SYNE2: variants seen among roughly 807,000 people sequenced by gnomAD.
SYNE2 encodes spectrin repeat containing nuclear envelope protein 2, also known as nesprin-2.
Under a neutral mutation model 856.3 loss-of-function variants are expected in SYNE2, and 431 were observed. The observed-to-expected ratio is 0.50, with a 90% confidence interval of 0.47 to 0.55. The LOEUF (loss-of-function observed/expected upper bound fraction) is 0.55. SYNE2 is among the 20% of genes least tolerant of loss of function. The probability of loss-of-function intolerance (pLI) is 0.00; values close to 1 mark genes in which losing one functional copy is unlikely to be tolerated. For missense variants in SYNE2, 8,129 were observed against 8,023.2 expected, an observed-to-expected ratio of 1.01 and a Z score of -0.50; for synonymous variants, 2,923 against 2,872.3, an observed-to-expected ratio of 1.02 and a Z score of -0.56.
In SYNE2 at chr14:64,212,926, T is replaced by C. The variant is rs138750965; in HGVS notation, c.18977T>C (p.Leu6326Pro). The change falls in exon 105 of 116, where the codon CTG becomes CCG. Residue 6326 changes from leucine (L) to proline (P), a missense_variant. Leu to Pro is a moderately conservative substitution (Grantham distance 98). This residue lies in a region of SYNE2 where 5,410 missense variants were observed against 5,284.8 expected (regional missense o/e 1.02). Transcript: ENST00000555002. ...GATGCTGTGCTGATTGAGGATGAGC[T>C]GGAGGAACTCCACCGCTACTGCCAG... ...PLDAVLIEDE[L>P]EELHRYCQEV... 6.2e-7 allele frequency: 1 copy of C among 1,614,222 alleles called. No homozygotes were observed. The highest frequency in any genetic ancestry group is 8.5e-7 in the Non-Finnish European group (1 of 1,180,052).
At chr14:63,897,937 C>T (rs1436086382) in intron 1 of SYNE2, among the ~76,000 whole-genome samples, 7 of 152,118 alleles carry the variant, frequency 4.6e-5, no homozygotes, top group African/African-American at 1.7e-4. Flanking sequence ...TTTTGCAAAC[C>T]ACAAATTCTT....
intron 57 of SYNE2, chr14:64,084,745 C>A: frequency 2.0e-6 from 1 of 500,684 alleles, no homozygotes; most frequent in East Asian, 3.0e-5. Flanking sequence ...CAGCTTGAAA[C>A]AACAAACTTA....
At chr14:63,866,970 A>C (rs79716829) in intron 1 of SYNE2, among the ~76,000 whole-genome samples, 2 of 152,308 alleles carry the variant, frequency 1.3e-5, no homozygotes, top group African/African-American at 4.8e-5. Context: ...AAAAAAAGAA[A>C]AAATTGTTAA....
intron 95 of SYNE2, among the ~76,000 whole-genome samples, 187 bp from the exon 96 acceptor site, chr14:64,177,171 G>C (rs1299034132): frequency 6.6e-6 from 1 of 152,154 alleles, no homozygotes; most frequent in Admixed American, 6.5e-5. Flanking sequence ...AAGGAGGGTC[G>C]AGTCATATTG....
intron 44 of SYNE2, among the ~76,000 whole-genome samples, 188 bp from the exon 45 acceptor site, chr14:64,030,828 C>T (rs958831650): frequency 3.9e-5 from 6 of 152,110 alleles, no homozygotes; most frequent in African/African-American, 1.2e-4. Context: ...TCTTAAAATA[C>T]GTATTTGAGA....
chr14:63,897,982 A>C (rs1394823981), intron 1 of SYNE2, among the ~76,000 whole-genome samples: 1 of 152,222 alleles, frequency 6.6e-6, no homozygotes, highest in East Asian at 1.9e-4. Flanking sequence ...TTTTTAAAAA[A>C]GTTTCTGAGA....
intron 32 of SYNE2, among the ~76,000 whole-genome samples, chr14:64,011,856 C>G (rs1488952480): frequency 6.6e-6 from 1 of 152,204 alleles, no homozygotes; most frequent in African/African-American, 2.4e-5. Context: ...GGAGCTGACT[C>G]CATTCCTGGG....
Position 64,048,072 on chromosome 14 carries a change from G to GATGAGCGGAAAGTCA in SYNE2, c.7301_7315dup (p.Arg2434_Glu2438dup). On this transcript the variant is annotated inframe_insertion, in exon 46 of 116. Coordinates refer to ENST00000555002, the MANE Select transcript of SYNE2 (RefSeq NM_182914.3). ...TCAAGAAAGCATGAAAAACACTGAAGATGAGCGGAAAGTCAATGAGCTGCA... is the reference window on the plus strand; with the variant it reads ...TCAAGAAAGCATGAAAAACACTGAAGATGAGCGGAAAGTCAATGAGCGGAAAGTCAATGAGCTGCA... 4 of 1,613,788 alleles carry GATGAGCGGAAAGTCA rather than the reference G, an allele frequency of 2.5e-6. No homozygotes were observed. The highest frequency in any genetic ancestry group is 3.4e-6 in the Non-Finnish European group (4 of 1,179,820).
chr14:64,138,098 C>A, intron 79 of SYNE2, 115 bp downstream of exon 79: 1 of 1,177,054 alleles, frequency 8.5e-7, no homozygotes, highest in Non-Finnish European at 1.2e-6. Flanking sequence ...TTTTCTTGGG[C>A]AGTCTAAAGC....
chr14:64,048,498 T>G (rs2185453), intron 46 of SYNE2: 138,146 of 185,502 alleles, frequency 0.74, 54,663 homozygotes, highest in Non-Finnish European at 0.87. Flanking sequence ...CAATCAGTTC[T>G]ATGAGGTTCT....
chr14:63,974,149 A>G (rs1040678192), intron 11 of SYNE2, among the ~76,000 whole-genome samples: 7 of 152,244 alleles, frequency 4.6e-5, no homozygotes, highest in Non-Finnish European at 8.8e-5. Flanking sequence ...AAGATAAAAT[A>G]CAGACTTAAG....
rs1192435469 is a variant in SYNE2 at position 64,212,026 on chromosome 14, G to C, written c.18789G>C (p.Glu6263Asp). 1.2e-6 allele frequency: 2 copies of C among 1,614,098 alleles called. No individual in the cohort carries two copies. Among genetic ancestry groups the C allele is most frequent in the African/African-American group, 1.3e-5 (1 of 74,944 alleles). Residue 6263 changes from glutamate (E) to aspartate (D), a missense_variant, in exon 104 of 116, where the codon GAG (glutamate) becomes GAC (aspartate). Glu to Asp is a conservative substitution (Grantham distance 45, BLOSUM62 2). Around this residue, in one of 3 missense-constraint regions of SYNE2, gnomAD observed 5,410 missense variants for 5,284.8 expected, o/e 1.02. Coordinates refer to ENST00000555002, the MANE Select transcript of SYNE2 (RefSeq NM_182914.3). ...AGAGCATTCTGGTGTGGCTCACAGAGATGGACCTGCAGCTGACCAACGTGG... is the reference window on the plus strand; with the variant it reads ...AGAGCATTCTGGTGTGGCTCACAGACATGGACCTGCAGCTGACCAACGTGG... ...TRESILVWLTEMDLQLTNVEH... is the reference protein window; with the variant it reads ...TRESILVWLTDMDLQLTNVEH...
chr14:63,869,650 A>C (rs1242002500), intron 1 of SYNE2, among the ~76,000 whole-genome samples: 1 of 151,420 alleles, frequency 6.6e-6, no homozygotes, highest in African/African-American at 2.4e-5. Flanking sequence ...AAAAAAAAAA[A>C]AAAAAAAAAC....
chr14:64,186,510 G>A lies in SYNE2; in HGVS notation c.17643G>A (p.Val5881=). 1.2e-6 allele frequency: 2 copies of A among 1,614,210 alleles called. No individual in the cohort carries two copies. Among genetic ancestry groups the A allele is most frequent in the African/African-American group, 1.3e-5 (1 of 75,052 alleles). Residue 5881 remains valine (V), a synonymous_variant, in exon 97 of 116, where the codon GTG becomes GTA. Transcript: ENST00000555002. ...CGGACTTAACCCGGCACGTTCTCGT[G>A]GAAGATGTGATGGTTTTGAAGGAGC... ...MKADLTRHVL[V]EDVMVLKEQI...
intron 30 of SYNE2, among the ~76,000 whole-genome samples, chr14:64,006,118 T>C (rs945546041): frequency 1.3e-5 from 2 of 152,152 alleles, no homozygotes; most frequent in Non-Finnish European, 2.9e-5. Context: ...ATGAAAACCT[T>C]ATGGGAGTGA....
intron 1 of SYNE2, among the ~76,000 whole-genome samples, chr14:63,780,081 A>G (rs1483258416): frequency 6.6e-6 from 1 of 152,206 alleles, no homozygotes; most frequent in Non-Finnish European, 1.5e-5. Flanking sequence ...TTTTAAAATC[A>G]ATGACATTGG....
chr14:63,866,141 A>G (rs1300032977), intron 1 of SYNE2, among the ~76,000 whole-genome samples: 2 of 152,240 alleles, frequency 1.3e-5, no homozygotes, highest in African/African-American at 2.4e-5. Flanking sequence ...ACACCACTTA[A>G]GTTGTTTCCT....
intron 25 of SYNE2, among the ~76,000 whole-genome samples, 167 bp from the exon 26 acceptor site, chr14:63,998,052 C>T (rs1042901932): frequency 2.6e-5 from 4 of 152,174 alleles, no homozygotes; most frequent in African/African-American, 9.7e-5. Flanking sequence ...TCTCCTCTGT[C>T]CTACGGAAAG....
intron 27 of SYNE2, among the ~76,000 whole-genome samples, chr14:63,999,527 CT>C (rs2096738195): frequency 6.6e-6 from 1 of 152,182 alleles, no homozygotes; most frequent in Admixed American, 6.5e-5. Context: ...ATTTAGGGCA[CT>C]GGAGGGAGTT....
Sources: gnomAD v4.1 joint callset for allele counts (sites outside exome capture counted in the v4.1 genomes callset) on GRCh38, gnomAD v4.1.1 for gene constraint, gnomAD v4.1.1 regional missense constraint, MANE v1.5 for transcripts, NCBI Gene and HGNC (gene_info 2026-07-23, HGNC 2026-07-21) for gene names.